Variants in BTBD9 observed in about 807,000 individuals in gnomAD.
The protein encoded by BTBD9 is BTB domain containing 9.
A neutral mutation model predicts 64.3 loss-of-function variants in BTBD9; 49 were observed. The observed-to-expected ratio is 0.76, with a 90% CI of 0.61 to 0.97. BTBD9 has a LOEUF of 0.97. BTBD9 is among the 50% of genes least tolerant of loss of function. The probability of loss-of-function intolerance (pLI) is 0.00; values close to 1 mark genes in which losing one functional copy is unlikely to be tolerated. For missense variants in BTBD9, 598 were observed against 762.1 expected (o/e 0.78, Z 2.53); for synonymous variants, 260 against 274.7 (o/e 0.95, Z 0.53).
intron 6 of BTBD9, among the ~76,000 whole-genome samples, chr6:38,561,181 C>T (rs1209210478): frequency 6.6e-6 from 1 of 152,180 alleles, no homozygotes; most frequent in Non-Finnish European, 1.5e-5. Flanking sequence ...AGTGGTTGAA[C>T]TAATTTACAC....
intron 9 of BTBD9, among the ~76,000 whole-genome samples, chr6:38,208,896 C>T (rs1249925706): frequency 6.6e-6 from 1 of 152,142 alleles, no homozygotes; most frequent in Non-Finnish European, 1.5e-5. Context: ...AGCAAAAAAC[C>T]GTGTTAGGAG....
At chr6:38,405,903 T>C (rs1001740833) in intron 6 of BTBD9, among the ~76,000 whole-genome samples, 9 of 152,112 alleles carry the variant, frequency 5.9e-5, no homozygotes, top group African/African-American at 1.4e-4. Context: ...AAATGAAATT[T>C]TGAAAATGTC....
chr6:38,418,171 T>G (rs1188951738), intron 6 of BTBD9, among the ~76,000 whole-genome samples: 1 of 152,234 alleles, frequency 6.6e-6, no homozygotes, highest in Non-Finnish European at 1.5e-5. Flanking sequence ...ACAAAAGCAT[T>G]GGTATGAGAT....
chr6:38,399,352 C>G (rs1766826049), intron 6 of BTBD9, among the ~76,000 whole-genome samples: 1 of 152,096 alleles, frequency 6.6e-6, no homozygotes, highest in African/African-American at 2.4e-5. Context: ...ACATGAAAGG[C>G]AACAGTGCAA....
At chr6:38,181,809 A>G (rs1761566809) in intron 10 of BTBD9, among the ~76,000 whole-genome samples, 1 of 152,142 alleles carries the variant, frequency 6.6e-6, no homozygotes, top group Non-Finnish European at 1.5e-5. Flanking sequence ...CCGACGTGTC[A>G]AAACCTGGTC....
intron 6 of BTBD9, among the ~76,000 whole-genome samples, chr6:38,491,131 G>A (rs746568196): frequency 6.6e-6 from 1 of 152,158 alleles, no homozygotes; most frequent in Non-Finnish European, 1.5e-5. Flanking sequence ...AAAAACAAAA[G>A]GGACAAAAGA....
intron 6 of BTBD9, among the ~76,000 whole-genome samples, chr6:38,511,074 T>C (rs1772750873): frequency 6.6e-6 from 1 of 152,228 alleles, no homozygotes; most frequent in South Asian, 2.1e-4. Flanking sequence ...AATGTTATGA[T>C]GGCTATGACA....
Position 38,213,351 on chromosome 6 carries a change from C to T in BTBD9, c.1563-20754G>A, listed in dbSNP as rs1187614139. Among the ~76,000 whole-genome samples, 5 of 151,940 alleles carry T rather than the reference C, an allele frequency of 3.3e-5. No homozygotes were observed. In the East Asian group the frequency reaches 7.7e-4, roughly 23 times the overall value. On this transcript the variant is annotated intron_variant, in intron 9 of 10. Coordinates refer to ENST00000481247, the MANE Select transcript of BTBD9 (RefSeq NM_001099272.2). ...AGCTGAACAGACAGGAAGTTGGGAG[C>T]ACTTGGGAGAGCTTAAAAAAATCTC...
At chr6:38,629,294 A>G (rs1778282541) in intron 1 of BTBD9, among the ~76,000 whole-genome samples, 1 of 152,244 alleles carries the variant, frequency 6.6e-6, no homozygotes, top group African/African-American at 2.4e-5. Context: ...CTCTCAAAGT[A>G]TCTCCCAGAA....
intron 1 of BTBD9, among the ~76,000 whole-genome samples, chr6:38,616,362 C>A (rs1167477316): frequency 6.6e-6 from 1 of 152,196 alleles, no homozygotes; most frequent in Non-Finnish European, 1.5e-5. Flanking sequence ...GCCATCAATA[C>A]TATCAGACCC....
intron 8 of BTBD9, among the ~76,000 whole-genome samples, chr6:38,286,690 G>A (rs1052315745): frequency 1.3e-5 from 2 of 152,094 alleles, no homozygotes; most frequent in African/African-American, 4.8e-5. Context: ...AGTCAAGGAC[G>A]AACTGCATTT....
At chr6:38,485,954 T>G (rs1266811205) in intron 6 of BTBD9, among the ~76,000 whole-genome samples, 7 of 152,210 alleles carry the variant, frequency 4.6e-5, no homozygotes. Flanking sequence ...CCTTCGTCAA[T>G]GATCTTAGCT....
chr6:38,514,663 T>A (rs910423862), intron 6 of BTBD9, among the ~76,000 whole-genome samples: 10 of 152,088 alleles, frequency 6.6e-5, no homozygotes, highest in Admixed American at 2.0e-4. Context: ...AAGGGGAAAA[T>A]AAATAGCTGC....
Position 38,174,896 on chromosome 6 carries a change from G to A in BTBD9, c.*89C>T. 1.4e-6 allele frequency: 2 copies of A among 1,475,442 alleles called. No homozygotes were observed. Among genetic ancestry groups the A allele is most frequent in the Non-Finnish European group, 9.3e-7 (1 of 1,079,910 alleles). The allele number at this position is 1,475,442 out of a possible 1,614,324, so 91.4% of individuals were successfully genotyped here. ...CCTCCCTGGAAAGGGGCAGAGGTGG[G>A]GGCAGTCAACAGAGACCCCTGCTCA... On this transcript the variant is annotated 3_prime_UTR_variant, in exon 11 of 11. Transcript: ENST00000481247.
intron 6 of BTBD9, among the ~76,000 whole-genome samples, chr6:38,463,255 T>G (rs1342724515): frequency 6.6e-6 from 1 of 152,240 alleles, no homozygotes; most frequent in Non-Finnish European, 1.5e-5. Context: ...TAAATTCACT[T>G]ATTAGTTTTA....
chr6:38,614,227 ATCTAGGTCACC>A (rs2127516222), intron 1 of BTBD9, among the ~76,000 whole-genome samples: 1 of 152,166 alleles, frequency 6.6e-6, no homozygotes, highest in East Asian at 1.9e-4. Flanking sequence ...GACGCTGCCA[ATCTAGGTCACC>A]TCTTCTGTCA....
intron 6 of BTBD9, among the ~76,000 whole-genome samples, chr6:38,422,518 C>T (rs1389452762): frequency 6.6e-5 from 10 of 152,008 alleles, no homozygotes; most frequent in Admixed American, 6.5e-4. Context: ...GAGTAAGGGG[C>T]ACTGGATAAT....
chr6:38,461,927 C>T (rs1770104270), intron 6 of BTBD9, among the ~76,000 whole-genome samples: 1 of 152,176 alleles, frequency 6.6e-6, no homozygotes, highest in Non-Finnish European at 1.5e-5. Flanking sequence ...CATCTAATGG[C>T]ATTGAATATC....
intron 6 of BTBD9, chr6:38,482,277 C>T (rs1771187626): frequency 6.6e-6 from 1 of 152,188 alleles, no homozygotes; most frequent in African/African-American, 2.4e-5. Context: ...GTTTGATTCT[C>T]ACTTTCTCCT....
Sources: gnomAD v4.1 joint callset for allele counts (sites outside exome capture counted in the v4.1 genomes callset) on GRCh38, gnomAD v4.1.1 for gene constraint, MANE v1.5 for transcripts, NCBI Gene and HGNC (gene_info 2026-07-23, HGNC 2026-07-21) for gene names.